The following BANK1 variants were observed in gnomAD, a reference collection of about 807,000 sequenced individuals.
BANK1 encodes the protein B cell scaffold protein with ankyrin repeats 1.
BANK1 carries 95 observed loss-of-function variants against 94.5 expected under a neutral mutation model. The ratio of observed to expected loss-of-function variants is 1.00; its 90% CI spans 0.85 to 1.19. BANK1 has a LOEUF of 1.19. BANK1 is among the 50% of genes most tolerant of loss of function. BANK1 has a pLI of 0.00. For synonymous variants in BANK1, 334 were observed against 308.4 expected, an observed-to-expected ratio of 1.08 and a Z score of -0.87; for missense variants, 987 against 932.2, an observed-to-expected ratio of 1.06 and a Z score of -0.77.
intron 7 of BANK1, among the ~76,000 whole-genome samples, chr4:101,955,198 A>G (rs1724297150): frequency 6.6e-6 from 1 of 152,182 alleles, no homozygotes; most frequent in Admixed American, 6.6e-5. Flanking sequence ...AGAAACAGCA[A>G]TAAAATCATT....
chr4:102,035,755 A>C (rs1727490224), intron 10 of BANK1, among the ~76,000 whole-genome samples: 1 of 152,178 alleles, frequency 6.6e-6, no homozygotes, highest in African/African-American at 2.4e-5. Context: ...TAGGTTAACA[A>C]TCACAAGAAT....
chr4:101,936,817 G>A (rs1723581597), intron 7 of BANK1, among the ~76,000 whole-genome samples: 1 of 151,560 alleles, frequency 6.6e-6, no homozygotes, highest in Non-Finnish European at 1.5e-5. Flanking sequence ...ACAAATACTG[G>A]TAAGAATGTA....
intron 8 of BANK1, 39 bp downstream of exon 8, chr4:102,021,631 A>C: frequency 1.2e-6 from 1 of 839,276 alleles, no homozygotes; most frequent in Non-Finnish European, 1.7e-6. Flanking sequence ...TGACATATTC[A>C]TATATATATC....
chr4:101,958,908 A>G (rs914674645), intron 7 of BANK1, among the ~76,000 whole-genome samples: 1 of 152,192 alleles, frequency 6.6e-6, no homozygotes, highest in Non-Finnish European at 1.5e-5. Flanking sequence ...ATAGATGATC[A>G]AGTATTTGAG....
intron 9 of BANK1, 60 bp from the exon 10 acceptor site, chr4:102,029,900 G>T: frequency 6.7e-7 from 1 of 1,492,388 alleles, no homozygotes; most frequent in Admixed American, 2.2e-5. Flanking sequence ...GTGACAGATG[G>T]ACACCAATAA....
chr4:102,033,978 C>T (rs1277200896), intron 10 of BANK1, among the ~76,000 whole-genome samples: 1 of 152,116 alleles, frequency 6.6e-6, no homozygotes, highest in Non-Finnish European at 1.5e-5. Flanking sequence ...TCAGCTAATT[C>T]ATTCTTGGTG....
At position 101,955,243 on chromosome 4, in the gene BANK1, A is replaced by T. The variant is rs192208604; in HGVS notation, c.1206+37054A>T. On this transcript the variant is annotated intron_variant, in intron 7 of 16. Coordinates refer to ENST00000322953, the MANE Select transcript of BANK1 (RefSeq NM_017935.5). The stretch of plus-strand genomic sequence containing the variant: ...GATGATACGGTTAACATGGGAATAT[A>T]TATCTTTCTGGCACTGGCATTGTAT... 6.6e-5 allele frequency among the ~76,000 whole-genome samples: 10 copies of T among 152,302 alleles called. No individual in the cohort carries two copies. In the South Asian group the frequency reaches 1.4e-3, roughly 22 times the overall value.
At chr4:102,009,107 A>G in intron 7 of BANK1, among the ~76,000 whole-genome samples, 1 of 152,206 alleles carries the variant, frequency 6.6e-6, no homozygotes, top group East Asian at 1.9e-4. Flanking sequence ...TTGGGGATTG[A>G]GAGTAGGCCT....
intron 11 of BANK1, among the ~76,000 whole-genome samples, chr4:102,052,107 T>A (rs532175173): frequency 7.2e-6 from 1 of 138,412 alleles, no homozygotes; most frequent in East Asian, 2.1e-4. Context: ...GATGTGTTCT[T>A]TTTTTCTTTT....
intron 11 of BANK1, among the ~76,000 whole-genome samples, chr4:102,052,486 A>G (rs1051034601): frequency 4.6e-5 from 7 of 151,098 alleles, no homozygotes; most frequent in African/African-American, 1.7e-4. Context: ...GAAGGGAAGG[A>G]GAGTTTTTTT....
chr4:101,974,769 G>A (rs1725069034), intron 7 of BANK1, among the ~76,000 whole-genome samples: 2 of 145,972 alleles, frequency 1.4e-5, no homozygotes, highest in Admixed American at 1.4e-4. Flanking sequence ...CCAACATGGT[G>A]AAACCCCATC....
intron 7 of BANK1, chr4:101,976,753 GAAC>G (rs1205667468): frequency 6.6e-6 from 1 of 151,946 alleles, no homozygotes; most frequent in Non-Finnish European, 1.5e-5. Context: ...TTATTCTTTA[GAAC>G]AACAATGTTA....
At chr4:101,991,743 C>T (rs1483474259) in intron 7 of BANK1, among the ~76,000 whole-genome samples, 1 of 152,106 alleles carries the variant, frequency 6.6e-6, no homozygotes, top group Admixed American at 6.6e-5. Context: ...TGGGGAAGAA[C>T]CAGCAAGTAG....
chr4:101,817,206 T>A (rs1387243229), intron 1 of BANK1, among the ~76,000 whole-genome samples: 1 of 152,178 alleles, frequency 6.6e-6, no homozygotes, highest in African/African-American at 2.4e-5. Flanking sequence ...TAAATTGTTC[T>A]ATTATAAAGA....
intron 5 of BANK1, among the ~76,000 whole-genome samples, chr4:101,879,038 T>C (rs897898408): frequency 3.3e-5 from 5 of 150,902 alleles, no homozygotes; most frequent in African/African-American, 1.2e-4. Flanking sequence ...TACCGATACA[T>C]CTTAAAGAAC....
intron 9 of BANK1, among the ~76,000 whole-genome samples, chr4:102,029,519 A>G (rs984324054): frequency 1.3e-5 from 2 of 148,304 alleles, no homozygotes. Context: ...AAAAGTATAT[A>G]TAATATATAA....
chr4:102,054,516 C>T (rs917570299), intron 11 of BANK1, among the ~76,000 whole-genome samples: 1 of 152,002 alleles, frequency 6.6e-6, no homozygotes, highest in Admixed American at 6.6e-5. Context: ...TATACAATCT[C>T]CCTCATAAAA....
chr4:102,060,393 A>G lies in BANK1; in HGVS notation c.2148+4A>G. 6.3e-7 allele frequency: 1 copy of G among 1,597,760 alleles called. No individual in the cohort carries two copies. Among genetic ancestry groups the G allele is most frequent in the South Asian group, 1.1e-5 (1 of 87,758 alleles). On this transcript the variant is annotated splice_donor_region_variant and intron_variant, in intron 12 of 16. Transcript: ENST00000322953. ...TGGCCTGGAAATGATTCAGCAGGTA[A>G]TATTGGCCCAGTGTTTTCTGGGACA...
At chr4:101,807,256 T>TC (rs1225747197) in intron 1 of BANK1, among the ~76,000 whole-genome samples, 1 of 152,202 alleles carries the variant, frequency 6.6e-6, no homozygotes, top group Non-Finnish European at 1.5e-5. Context: ...AGCTTAAATG[T>TC]CAGATATTTT....
Sources: allele counts gnomAD v4.1 joint callset (sites outside exome capture counted in the v4.1 genomes callset), GRCh38; gene constraint gnomAD v4.1.1; transcripts MANE v1.5; gene names NCBI Gene and HGNC (gene_info 2026-07-23, HGNC 2026-07-21).